The following LRRC4C variants were observed in gnomAD, a reference collection of about 807,000 sequenced individuals.
The protein encoded by LRRC4C is leucine-rich repeat-containing protein 4C.
Under a neutral mutation model 33.6 loss-of-function variants are expected in LRRC4C, and 5 were observed. The observed-to-expected ratio is 0.15, with a 90% CI of 0.08 to 0.31. LRRC4C has a LOEUF of 0.31. Among genes scored for constraint, LRRC4C ranks in the 10% least tolerant of loss-of-function variants. The pLI is 1.00. For missense variants in LRRC4C, 560 were observed against 796.7 expected (o/e 0.70, Z 3.58); for synonymous variants, 329 against 302.0 (o/e 1.09, Z -0.93).
At chr11:41,034,733 G>A (rs1434564621) in intron 1 of LRRC4C, among the ~76,000 whole-genome samples, 2 of 147,056 alleles carry the variant, frequency 1.4e-5, no homozygotes, top group African/African-American at 2.5e-5. Flanking sequence ...GGAGCATAGC[G>A]GCTATACAGT....
chr11:41,269,057 A>G (rs1267171949), intron 1 of LRRC4C, among the ~76,000 whole-genome samples: 1 of 152,154 alleles, frequency 6.6e-6, no homozygotes, highest in African/African-American at 2.4e-5. Flanking sequence ...ATTAGGTTAT[A>G]CTAATAGCAT....
At chr11:40,743,133 T>G (rs569516116) in intron 2 of LRRC4C, among the ~76,000 whole-genome samples, 1 of 152,040 alleles carries the variant, frequency 6.6e-6, no homozygotes, top group Non-Finnish European at 1.5e-5. Context: ...AATGGTACAT[T>G]AGGAATATTC....
chr11:41,057,755 T>C (rs1161150351), intron 1 of LRRC4C, among the ~76,000 whole-genome samples: 2 of 152,052 alleles, frequency 1.3e-5, no homozygotes, highest in Non-Finnish European at 1.5e-5. Context: ...AGCCATTCCC[T>C]CTAGGGTCTC....
chr11:41,447,732 G>A (rs1955869512), intron 1 of LRRC4C, among the ~76,000 whole-genome samples: 1 of 152,084 alleles, frequency 6.6e-6, no homozygotes, highest in African/African-American at 2.4e-5. Flanking sequence ...ACACAAAAAT[G>A]TTCCAACATT....
chr11:40,435,087 G>T (rs1403340451), intron 3 of LRRC4C, among the ~76,000 whole-genome samples: 1 of 152,182 alleles, frequency 6.6e-6, no homozygotes, highest in East Asian at 1.9e-4. Flanking sequence ...CATCTGGGTA[G>T]GAGTAGGATA....
At chr11:40,272,709 AT>A (rs1351581372) in intron 4 of LRRC4C, among the ~76,000 whole-genome samples, 3 of 152,196 alleles carry the variant, frequency 2.0e-5, no homozygotes, top group Non-Finnish European at 2.9e-5. Context: ...GATAATTTCA[AT>A]GAAACATCTT....
At chr11:40,880,740 G>A (rs188010418) in intron 2 of LRRC4C, among the ~76,000 whole-genome samples, 2 of 151,496 alleles carry the variant, frequency 1.3e-5, no homozygotes, top group African/African-American at 4.8e-5. Flanking sequence ...CAGTATCTGA[G>A]ACAACTCTAA....
At chr11:40,492,605 A>G (rs1051833807) in intron 3 of LRRC4C, among the ~76,000 whole-genome samples, 2 of 152,144 alleles carry the variant, frequency 1.3e-5, no homozygotes, top group African/African-American at 4.8e-5. Context: ...CAAACAATTC[A>G]ACTGTTTCTT....
At chr11:40,351,191 A>G (rs1186133431) in intron 3 of LRRC4C, among the ~76,000 whole-genome samples, 2 of 151,802 alleles carry the variant, frequency 1.3e-5, no homozygotes, top group African/African-American at 2.4e-5. Context: ...TGTAATTTCC[A>G]TGTGTTTGTA....
At chr11:40,499,636 ATGT>A (rs1366777268) in intron 3 of LRRC4C, among the ~76,000 whole-genome samples, 2 of 152,222 alleles carry the variant, frequency 1.3e-5, no homozygotes, top group African/African-American at 4.8e-5. Context: ...AATGATACTG[ATGT>A]TGATGATGGT....
At chr11:40,467,177 A>T (rs1952693237) in intron 3 of LRRC4C, among the ~76,000 whole-genome samples, 1 of 152,138 alleles carries the variant, frequency 6.6e-6, no homozygotes. Context: ...GTTGAGGTAG[A>T]GAGTAGAAGT....
intron 1 of LRRC4C, among the ~76,000 whole-genome samples, chr11:41,293,522 G>A (rs962315962): frequency 5.9e-5 from 9 of 152,050 alleles, no homozygotes; most frequent in African/African-American, 1.7e-4. Context: ...TTTTTACAAT[G>A]AGCATGTGTT....
At chr11:40,747,687 G>A (rs191678252) in intron 2 of LRRC4C, among the ~76,000 whole-genome samples, 6 of 151,986 alleles carry the variant, frequency 3.9e-5, no homozygotes, top group African/African-American at 1.4e-4. Context: ...GGATATGAAT[G>A]AGAAATTAAC....
chr11:40,482,562 G>A (rs1021527762), intron 3 of LRRC4C, among the ~76,000 whole-genome samples: 2 of 151,772 alleles, frequency 1.3e-5, no homozygotes, highest in East Asian at 3.9e-4. Flanking sequence ...TCTGCCTCCC[G>A]GGGCTCAAGT....
At chr11:40,940,808 A>G (rs1237782931) in intron 1 of LRRC4C, among the ~76,000 whole-genome samples, 1 of 152,090 alleles carries the variant, frequency 6.6e-6, no homozygotes, top group East Asian at 1.9e-4. Context: ...ATCTGGGTTC[A>G]TATCCAGTTA....
intron 1 of LRRC4C, among the ~76,000 whole-genome samples, chr11:41,148,337 GC>G (rs1288422549): frequency 6.6e-6 from 1 of 152,084 alleles, no homozygotes; most frequent in African/African-American, 2.4e-5. Context: ...GCTGCAGTGA[GC>G]CATGATCACA....
intron 1 of LRRC4C, among the ~76,000 whole-genome samples, chr11:41,257,547 A>G (rs1446294648): frequency 6.6e-6 from 1 of 152,034 alleles, no homozygotes; most frequent in Admixed American, 6.6e-5. Context: ...TGCAGAACAT[A>G]AAGATAGAGA....
At chr11:41,030,203 G>A (rs893819675) in intron 1 of LRRC4C, among the ~76,000 whole-genome samples, 3 of 151,854 alleles carry the variant, frequency 2.0e-5, no homozygotes, top group African/African-American at 7.3e-5. Context: ...AGTGAAAAAG[G>A]CAGAGCTGTG....
At chr11:40,710,628 C>T (rs1281404122) in intron 2 of LRRC4C, among the ~76,000 whole-genome samples, 1 of 152,160 alleles carries the variant, frequency 6.6e-6, no homozygotes, top group African/African-American at 2.4e-5. Context: ...GTCTGTTGGC[C>T]CCTACTGAGA....
Sources: gnomAD v4.1 joint callset for allele counts (sites outside exome capture counted in the v4.1 genomes callset) on GRCh38, gnomAD v4.1.1 for gene constraint, MANE v1.5 for transcripts, NCBI Gene and HGNC (gene_info 2026-07-23, HGNC 2026-07-21) for gene names.